The following DNAJB6 variants were observed in gnomAD, a reference collection of about 807,000 sequenced individuals.
DNAJB6 encodes the protein DnaJ heat shock protein family (Hsp40) member B6.
DNAJB6 carries 16 observed loss-of-function variants against 42.7 expected under a neutral mutation model. The ratio of observed to expected loss-of-function variants is 0.37; its 90% CI spans 0.25 to 0.57. DNAJB6 has a LOEUF of 0.57. DNAJB6 is among the 20% of genes least tolerant of loss of function. DNAJB6 has a pLI of 0.74. For synonymous variants in DNAJB6, 170 were observed against 163.5 expected (o/e 1.04, Z -0.30); for missense variants, 347 against 416.8 (o/e 0.83, Z 1.46).
At chr7:157,402,490 A>G (rs564141333) in intron 8 of DNAJB6, among the ~76,000 whole-genome samples, 3 of 152,324 alleles carry the variant, frequency 2.0e-5, no homozygotes, top group East Asian at 3.9e-4. Flanking sequence ...CCACAGGGCC[A>G]TGTGTGCTTT....
intron 1 of DNAJB6, among the ~76,000 whole-genome samples, chr7:157,345,989 T>A (rs1471187613): frequency 6.6e-6 from 1 of 152,026 alleles, no homozygotes; most frequent in Non-Finnish European, 1.5e-5. Context: ...AGGCTCTCGC[T>A]GGGCAGGGAA....
intron 2 of DNAJB6, among the ~76,000 whole-genome samples, chr7:157,362,802 T>C (rs143719575): frequency 1.3e-5 from 2 of 152,338 alleles, no homozygotes; most frequent in African/African-American, 2.4e-5. Flanking sequence ...AAACTTACTT[T>C]AATGAGTATT....
intron 8 of DNAJB6, among the ~76,000 whole-genome samples, chr7:157,402,669 C>T (rs980729735): frequency 1.3e-5 from 2 of 152,200 alleles, no homozygotes; most frequent in African/African-American, 2.4e-5. Flanking sequence ...GTCTTGGGGA[C>T]GTAGGCCCCA....
chr7:157,404,854 G>C (rs953486409), intron 8 of DNAJB6, among the ~76,000 whole-genome samples: 2 of 152,028 alleles, frequency 1.3e-5, no homozygotes, highest in African/African-American at 4.8e-5. Context: ...AGCTAAGCTG[G>C]TCTCAAACTC....
At chr7:157,359,504 T>C (rs1356166839) in intron 2 of DNAJB6, among the ~76,000 whole-genome samples, 3 of 152,164 alleles carry the variant, frequency 2.0e-5, no homozygotes. Context: ...TGAGCCACTG[T>C]GTGTAGCTGA....
At chr7:157,410,446 A>G in intron 9 of DNAJB6, 2 of 264,794 alleles carry the variant, frequency 7.6e-6, no homozygotes, top group Non-Finnish European at 1.4e-5. Context: ...GTGCAGAACA[A>G]AAGACCCCCT....
intron 5 of DNAJB6, chr7:157,379,555 T>C (rs1187699215): frequency 6.6e-6 from 1 of 152,128 alleles, no homozygotes; most frequent in African/African-American, 2.4e-5. Context: ...GGTGTGATCA[T>C]AGCTCCCTGC....
rs1328054004 is a variant in DNAJB6 at position 157,339,646 on chromosome 7, T to TGA, written c.-27+2505_-27+2506dup. Reference sequence around the variant, plus strand: ...GTGTGTGTGTGTGTGTGTGTGTGTGTGAGATGGAGTTTAGCTCTTGCCCCT... The same window carrying TGA: ...GTGTGTGTGTGTGTGTGTGTGTGTGTGAGAGATGGAGTTTAGCTCTTGCCCCT... On this transcript the variant is annotated intron_variant, in intron 1 of 9. Transcript: ENST00000262177. Among the ~76,000 whole-genome samples the TGA allele has an allele frequency of 7.8e-4, 26 of 33,268 alleles. No homozygotes were observed. In the East Asian group the frequency reaches 0.01, roughly 13 times the overall value. 21.8% of individuals were successfully genotyped at this position (33,268 alleles called of 152,430 possible). A position where few individuals can be genotyped will look rare whatever the true frequency, so the allele number is the denominator to read the frequency against.
chr7:157,381,745 C>CGTGTGTGT (rs3839841), intron 5 of DNAJB6: 23,332 of 148,700 alleles, frequency 0.16, 2,102 homozygotes, highest in Admixed American at 0.25. Flanking sequence ...CACCATTCCT[C>CGTGTGTGT]GTGTGTGTGT....
At chr7:157,341,969 C>T (rs1165089976) in intron 1 of DNAJB6, among the ~76,000 whole-genome samples, 3 of 151,720 alleles carry the variant, frequency 2.0e-5, no homozygotes, top group Non-Finnish European at 4.4e-5. Flanking sequence ...GGGGTTCAAG[C>T]GATTCTCCTG....
intron 1 of DNAJB6, among the ~76,000 whole-genome samples, chr7:157,354,474 T>TAAA (rs34290769): frequency 6.6e-6 from 1 of 151,560 alleles, no homozygotes; most frequent in East Asian, 1.9e-4. Context: ...ATTTTTTTTT[T>TAAA]AAAAAAATTA....
At chr7:157,347,110 C>T (rs1476407560) in intron 1 of DNAJB6, among the ~76,000 whole-genome samples, 1 of 152,218 alleles carries the variant, frequency 6.6e-6, no homozygotes, top group Non-Finnish European at 1.5e-5. Flanking sequence ...CTGCCTCGGC[C>T]TCCCAAAGTG....
At chr7:157,369,067 A>AG (rs1290839976) in intron 5 of DNAJB6, 4 of 361,740 alleles carry the variant, frequency 1.1e-5, no homozygotes, top group African/African-American at 2.1e-5. Context: ...TGAGGGAGGA[A>AG]GGACAGTCAG....
At chr7:157,342,737 GC>G (rs1798469345) in intron 1 of DNAJB6, among the ~76,000 whole-genome samples, 1 of 152,092 alleles carries the variant, frequency 6.6e-6, no homozygotes, top group East Asian at 1.9e-4. Context: ...ACAGGTGTGA[GC>G]CACCAAGCCT....
chr7:157,362,487 G>T (rs1799653157), intron 2 of DNAJB6, among the ~76,000 whole-genome samples: 1 of 152,056 alleles, frequency 6.6e-6, no homozygotes, highest in African/African-American at 2.4e-5. Flanking sequence ...TGATTCTCCT[G>T]CCGCAGCCTC....
At chr7:157,383,904 T>C (rs1187329984) in intron 6 of DNAJB6, among the ~76,000 whole-genome samples, 1 of 152,230 alleles carries the variant, frequency 6.6e-6, no homozygotes, top group Non-Finnish European at 1.5e-5. Context: ...ATTTTGGATA[T>C]ACTGTATTAA....
chr7:157,416,121 C>T lies in DNAJB6; in HGVS notation c.*23C>T, dbSNP rs192037366. The T allele has an allele frequency of 2.5e-6, 4 of 1,608,332 alleles. No homozygotes were observed. The East Asian group carries it at 6.7e-5, about 27-fold the overall frequency. On this transcript the variant is annotated 3_prime_UTR_variant, in exon 10 of 10. Transcript: ENST00000262177. ...TAGACCGGACTTGAGGCACGCGGTG[C>T]ACCCCCAGACGCTGGCGCTCCACCG...
intron 8 of DNAJB6, among the ~76,000 whole-genome samples, chr7:157,395,400 C>T (rs763955359): frequency 6.6e-6 from 1 of 152,194 alleles, no homozygotes; most frequent in Non-Finnish European, 1.5e-5. Flanking sequence ...TGGGCAGCTT[C>T]TCTGTTTTTC....
At chr7:157,408,347 A>T (rs532045924) in intron 8 of DNAJB6, among the ~76,000 whole-genome samples, 27 of 152,314 alleles carry the variant, frequency 1.8e-4, no homozygotes, top group African/African-American at 5.8e-4. Flanking sequence ...AGAAGGTGAC[A>T]TCTGAGGCCT....
Sources: gnomAD v4.1 joint callset for allele counts (sites outside exome capture counted in the v4.1 genomes callset) on GRCh38, gnomAD v4.1.1 for gene constraint, MANE v1.5 for transcripts, NCBI Gene and HGNC (gene_info 2026-07-23, HGNC 2026-07-21) for gene names.